ARHGAP31: variants seen among roughly 807,000 people sequenced by gnomAD.
ARHGAP31 encodes the protein rho GTPase-activating protein 31.
A neutral mutation model predicts 113.9 loss-of-function variants in ARHGAP31; 34 were observed. The ratio of observed to expected loss-of-function variants is 0.30; its 90% confidence interval spans 0.23 to 0.40. The LOEUF (loss-of-function observed/expected upper bound fraction) is 0.40. Among genes scored for constraint, ARHGAP31 ranks in the 10% least tolerant of loss-of-function variants. The probability of loss-of-function intolerance (pLI) is 1.00; values close to 1 mark genes in which losing one functional copy is unlikely to be tolerated. For synonymous variants in ARHGAP31, 650 were observed against 684.8 expected, an observed-to-expected ratio of 0.95 and a Z score of 0.79; for missense variants, 1,548 against 1,767.1, an observed-to-expected ratio of 0.88 and a Z score of 2.22.
intron 1 of ARHGAP31, among the ~76,000 whole-genome samples, chr3:119,347,514 T>A (rs996611684): frequency 1.3e-5 from 2 of 152,038 alleles, no homozygotes; most frequent in Non-Finnish European, 2.9e-5. Flanking sequence ...TCCCAGAGGG[T>A]CTTTCTGTCT....
intron 1 of ARHGAP31, 58 bp from the exon 2 acceptor site, chr3:119,365,258 A>G: frequency 1.4e-6 from 2 of 1,433,470 alleles, no homozygotes; most frequent in South Asian, 2.3e-5. Context: ...GGATATCTTT[A>G]AAAGACAGGC....
intron 1 of ARHGAP31, among the ~76,000 whole-genome samples, chr3:119,359,441 CATTT>C (rs2080186623): frequency 6.6e-6 from 1 of 150,988 alleles, no homozygotes; most frequent in African/African-American, 2.5e-5. Flanking sequence ...GAAAGTGGTT[CATTT>C]GTTTTTTTTT....
rs2080774005 is a variant in ARHGAP31 at position 119,416,045 on chromosome 3, G to C, written c.4116G>C (p.Leu1372=). Residue 1372 remains leucine (L), a synonymous_variant, in exon 12 of 12, where the codon CTG becomes CTC. Transcript: ENST00000264245. ...PSSTVTDSKV[L]LSPIRSPTQT... is the part of the protein sequence containing the mutation. ...CCACAGTGACAGATTCCAAGGTCCTGCTGTCCCCTATCAGAAGTCCCACCC... is the reference window on the plus strand; with the variant it reads ...CCACAGTGACAGATTCCAAGGTCCTCCTGTCCCCTATCAGAAGTCCCACCC... 6.2e-7 allele frequency: 1 copy of C among 1,614,058 alleles called. No individual in the cohort carries two copies. Among genetic ancestry groups the C allele is most frequent in the African/African-American group, 1.3e-5 (1 of 74,906 alleles).
intron 1 of ARHGAP31, among the ~76,000 whole-genome samples, chr3:119,333,654 T>C (rs962605640): frequency 6.6e-6 from 1 of 152,206 alleles, no homozygotes; most frequent in Non-Finnish European, 1.5e-5. Context: ...ATTACCTCCA[T>C]TGACAGGTGA....
chr3:119,398,017 G>C (rs2080566938), intron 8 of ARHGAP31, among the ~76,000 whole-genome samples: 1 of 152,164 alleles, frequency 6.6e-6, no homozygotes, highest in African/African-American at 2.4e-5. Context: ...TAGTTTAGCT[G>C]TCACTTTGGG....
intron 8 of ARHGAP31, among the ~76,000 whole-genome samples, chr3:119,395,288 C>T (rs918741381): frequency 2.0e-5 from 3 of 152,280 alleles, no homozygotes; most frequent in East Asian, 1.9e-4. Flanking sequence ...GCAGTTACAA[C>T]GATTTAGGCT....
chr3:119,303,898 G>A (rs752209669), intron 1 of ARHGAP31, among the ~76,000 whole-genome samples: 13 of 151,896 alleles, frequency 8.6e-5, no homozygotes, highest in African/African-American at 1.9e-4. Context: ...GGGTTCAAGC[G>A]ATTCTCCTGC....
intron 1 of ARHGAP31, chr3:119,329,689 G>A: frequency 3.4e-6 from 2 of 589,698 alleles, no homozygotes; most frequent in Non-Finnish European, 4.3e-6. Flanking sequence ...CAAGGTTACA[G>A]TGGGGAACTT....
rs1052448555 is a variant in ARHGAP31, at chr3:119,419,167, T to G, written c.*2903T>G. ...GCTGCTGTGTTTAGGAGGATTTACC[T>G]GGTGCCCTAGAAAGGGCTATGCAAT... On this transcript the variant is annotated 3_prime_UTR_variant, in exon 12 of 12. Coordinates refer to ENST00000264245, the MANE Select transcript of ARHGAP31 (RefSeq NM_020754.4). The G allele has an allele frequency of 8.5e-5, 13 of 152,196 alleles. No individual in the cohort carries two copies. The highest frequency in any genetic ancestry group is 3.1e-4 in the African/African-American group (13 of 41,442). 9.4% of individuals were successfully genotyped at this position (152,196 alleles called of 1,614,324 possible).
At chr3:119,305,359 C>CA (rs2079622558) in intron 1 of ARHGAP31, among the ~76,000 whole-genome samples, 1 of 152,196 alleles carries the variant, frequency 6.6e-6, no homozygotes, top group African/African-American at 2.4e-5. Flanking sequence ...ACTTAGGTTC[C>CA]AAATGGCAGG....
intron 7 of ARHGAP31, among the ~76,000 whole-genome samples, chr3:119,392,602 G>T (rs528597254): frequency 1.3e-5 from 2 of 152,208 alleles, no homozygotes; most frequent in Admixed American, 1.3e-4. Flanking sequence ...CCACAGCAGG[G>T]CAAGGCCTCC....
chr3:119,386,658 A>G (rs2080451452), intron 6 of ARHGAP31, among the ~76,000 whole-genome samples: 1 of 152,218 alleles, frequency 6.6e-6, no homozygotes, highest in Non-Finnish European at 1.5e-5. Flanking sequence ...CCGGGGGACC[A>G]CTACCACCAA....
chr3:119,326,058 G>C (rs889356687), intron 1 of ARHGAP31, among the ~76,000 whole-genome samples: 2 of 152,132 alleles, frequency 1.3e-5, no homozygotes, highest in Admixed American at 1.3e-4. Context: ...CGGGCGTGGT[G>C]GTGGGCGCCT....
At chr3:119,400,154 G>A (rs913545081) in intron 9 of ARHGAP31, among the ~76,000 whole-genome samples, 9 of 152,200 alleles carry the variant, frequency 5.9e-5, no homozygotes, top group Admixed American at 2.0e-4. Context: ...AACCCGGGCC[G>A]GGTGTGGTGG....
At chr3:119,386,586 G>T (rs2080450587) in intron 6 of ARHGAP31, among the ~76,000 whole-genome samples, 1 of 152,198 alleles carries the variant, frequency 6.6e-6, no homozygotes, top group East Asian at 1.9e-4. Context: ...CCTGTGTGCG[G>T]CGACGAGAGA....
At chr3:119,311,968 A>G (rs1467658722) in intron 1 of ARHGAP31, among the ~76,000 whole-genome samples, 1 of 152,248 alleles carries the variant, frequency 6.6e-6, no homozygotes, top group South Asian at 2.1e-4. Context: ...TGGTAAAAAC[A>G]GTACAGCAGG....
chr3:119,404,020 C>T (rs569900711), intron 10 of ARHGAP31, among the ~76,000 whole-genome samples: 10 of 152,230 alleles, frequency 6.6e-5, no homozygotes, highest in African/African-American at 2.4e-4. Flanking sequence ...CCTCCCATTT[C>T]CTTTCAGGAT....
intron 1 of ARHGAP31, among the ~76,000 whole-genome samples, chr3:119,311,127 C>T (rs751221243): frequency 6.6e-6 from 1 of 152,184 alleles, no homozygotes; most frequent in African/African-American, 2.4e-5. Context: ...CGTCTCCGTT[C>T]CCAGTGTTTC....
rs71693848 is a variant in ARHGAP31 at position 119,321,279 on chromosome 3, CTATA to C, written c.100+26288_100+26291del. ...CAGCAATTTCACATATATATATATACTATATATATATATATAGTATATATATATG... is the reference window on the plus strand; with the variant it reads ...CAGCAATTTCACATATATATATATACTATATATATATAGTATATATATATG... On this transcript the variant is annotated intron_variant, in intron 1 of 11. Transcript: ENST00000264245. Among the ~76,000 whole-genome samples the C allele has an allele frequency of 2.3e-3, 320 of 140,420 alleles. 1 individual carries two copies. The highest frequency in any genetic ancestry group is 3.4e-3 in the Non-Finnish European group (219 of 65,214). The allele number at this position is 140,420 out of a possible 152,430, so 92.1% of individuals were successfully genotyped here. A position where few individuals can be genotyped will look rare whatever the true frequency, so the allele number is the denominator to read the frequency against.
Sources: allele counts gnomAD v4.1 joint callset (sites outside exome capture counted in the v4.1 genomes callset), GRCh38; gene constraint gnomAD v4.1.1; transcripts MANE v1.5; gene names NCBI Gene and HGNC (gene_info 2026-07-23, HGNC 2026-07-21).